ERCC3: variants seen among roughly 807,000 people sequenced by gnomAD.
ERCC3 encodes the protein ERCC excision repair 3, TFIIH core complex helicase subunit.
ERCC3 carries 66 observed loss-of-function variants against 94.2 expected under a neutral mutation model. That is an observed-to-expected ratio of 0.70 (90% CI 0.57 to 0.86). The LOEUF (loss-of-function observed/expected upper bound fraction) is 0.86. Ranked by LOEUF, ERCC3 falls within the 40% of genes least tolerant of loss-of-function variation. The pLI, the probability that ERCC3 is intolerant of heterozygous loss-of-function variation, is 0.00. For synonymous variants in ERCC3, 349 were observed against 369.1 expected, an observed-to-expected ratio of 0.95 and a Z score of 0.63; for missense variants, 829 against 987.1, an observed-to-expected ratio of 0.84 and a Z score of 2.15.
At chr2:127,290,341 C>T in intron 3 of ERCC3, 68 bp from the exon 4 acceptor site, 1 of 1,222,496 alleles carries the variant, frequency 8.2e-7, no homozygotes, top group Non-Finnish European at 1.2e-6. Context: ...TTACTGGTCA[C>T]ATCTTACACC....
intron 12 of ERCC3, chr2:127,262,728 T>C (rs1319949675): frequency 1.3e-5 from 2 of 152,214 alleles, no homozygotes; most frequent in African/African-American, 2.4e-5. Flanking sequence ...ATTGTGTTGA[T>C]AGTTGCACAA....
At chr2:127,268,566 ATTTCT>A (rs1172448622) in intron 12 of ERCC3, among the ~76,000 whole-genome samples, 3 of 152,042 alleles carry the variant, frequency 2.0e-5, no homozygotes, top group Non-Finnish European at 2.9e-5. Context: ...CCCAGCCAGG[ATTTCT>A]TTTCTTTTCT....
At chr2:127,281,825 GA>G (rs1322820758) in intron 8 of ERCC3, among the ~76,000 whole-genome samples, 2 of 151,996 alleles carry the variant, frequency 1.3e-5, no homozygotes, top group Admixed American at 6.6e-5. Flanking sequence ...TATGTCTAAG[GA>G]AAGACTGTGC....
chr2:127,293,821 G>C (rs767415094), intron 1 of ERCC3, 103 bp from the exon 2 acceptor site: 1 of 1,595,494 alleles, frequency 6.3e-7, no homozygotes, highest in Non-Finnish European at 8.5e-7. Flanking sequence ...TCCTAGCTAA[G>C]AGCCACCTGC....
intron 12 of ERCC3, chr2:127,262,405 A>G (rs958334652): frequency 1.3e-5 from 2 of 152,292 alleles, no homozygotes; most frequent in African/African-American, 4.8e-5. Flanking sequence ...AGGCAGGAGA[A>G]TCCCTTGAAC....
Position 127,264,868 on chromosome 2 carries a change from G to A in ERCC3, c.1946-3522C>T, listed in dbSNP as rs1176141907. Among the ~76,000 whole-genome samples the A allele has an allele frequency of 2.0e-5, 3 of 147,864 alleles. No individual in the cohort carries two copies. The highest frequency in any genetic ancestry group is 7.6e-5 in the African/African-American group (3 of 39,722). ...GTAGATTTTTTTTTTTTTTTTTGGA[G>A]GCGGAGTCTCACTCTGTCACCCAGG... On this transcript the variant is annotated intron_variant, in intron 12 of 14. Coordinates refer to ENST00000285398, the MANE Select transcript of ERCC3 (RefSeq NM_000122.2). This position sits in a 1 kb window ranked among gnomAD's most constrained non-coding sequence, Gnocchi z 4.4.
rs1233728753 is a variant in ERCC3, at chr2:127,271,056, C to T, written c.1945+280G>A. 6.6e-6 allele frequency among the ~76,000 whole-genome samples: 1 copy of T among 152,216 alleles called. No homozygotes were observed. The highest frequency in any genetic ancestry group is 1.5e-5 in the Non-Finnish European group (1 of 68,042). On this transcript the variant is annotated intron_variant, in intron 12 of 14. Transcript: ENST00000285398. This position sits in a 1 kb window ranked among gnomAD's most constrained non-coding sequence, Gnocchi z 5.0. ...TGTCTACCCCATAAGCACTGCCTTG[C>T]CCTGGCTCCCTCTCACCATCTACCA... is the stretch of plus-strand genomic sequence containing the variant.
rs1433066543 is a variant in ERCC3 at position 127,288,583 on chromosome 2, G to A, written c.1027+77C>T. On this transcript the variant is annotated intron_variant, in intron 7 of 14. Transcript: ENST00000285398. ...AGCAAGGTGTGATTTAGGGAAATGT[G>A]CAGAGAGAAAGCGGGAGGCAGCTGG... 4.1e-6 allele frequency: 5 copies of A among 1,224,526 alleles called. No homozygotes were observed. In the African/African-American group the frequency reaches 4.5e-5, roughly 11 times the overall value. 75.9% of individuals were successfully genotyped at this position (1,224,526 alleles called of 1,614,324 possible). A position where few individuals can be genotyped will look rare whatever the true frequency, so the allele number is the denominator to read the frequency against.
chr2:127,265,708 C>T (rs1162953153), intron 12 of ERCC3, among the ~76,000 whole-genome samples: 5 of 152,114 alleles, frequency 3.3e-5, no homozygotes, highest in South Asian at 2.1e-4. Flanking sequence ...TGAGCCACTG[C>T]GACTGGCCTT....
chr2:127,288,361 G>A (rs893863825), intron 7 of ERCC3, among the ~76,000 whole-genome samples: 7 of 152,054 alleles, frequency 4.6e-5, no homozygotes, highest in Non-Finnish European at 1.0e-4. Context: ...ATTTTTCTTC[G>A]CTGACTCTAG....
intron 8 of ERCC3, among the ~76,000 whole-genome samples, chr2:127,283,824 C>A (rs556884600): frequency 5.3e-5 from 8 of 152,290 alleles, no homozygotes; most frequent in Admixed American, 5.2e-4. Context: ...GAGGTTGAAC[C>A]CTTTTTCAAG....
chr2:127,266,501 C>T (rs1459253472), intron 12 of ERCC3, among the ~76,000 whole-genome samples: 1 of 151,256 alleles, frequency 6.6e-6, no homozygotes, highest in African/African-American at 2.4e-5. Context: ...ACACACCCGG[C>T]TAATTTTTTG....
intron 2 of ERCC3, 95 bp from the exon 3 acceptor site, chr2:127,292,941 G>T: frequency 1.3e-6 from 1 of 794,148 alleles, no homozygotes; most frequent in Non-Finnish European, 2.2e-6. Context: ...AGAATAAGCT[G>T]CCCAACACCA....
intron 8 of ERCC3, among the ~76,000 whole-genome samples, chr2:127,281,191 T>C (rs769507963): frequency 6.6e-6 from 1 of 152,176 alleles, no homozygotes; most frequent in African/African-American, 2.4e-5. Context: ...GAAAAGAAAG[T>C]TGACAATCTA....
chr2:127,278,868 C>G (rs1017114562), intron 10 of ERCC3, among the ~76,000 whole-genome samples: 3 of 152,194 alleles, frequency 2.0e-5, no homozygotes, highest in African/African-American at 7.2e-5. Flanking sequence ...CTCCAAATGC[C>G]AACTCCCACC....
At position 127,273,749 on chromosome 2, in the gene ERCC3, CAAAAAAAAAAA is replaced by C. The variant is rs398039596; in HGVS notation, c.1731-799_1731-789del. Among the ~76,000 whole-genome samples the C allele has an allele frequency of 1.6e-3, 64 of 40,116 alleles. 1 individual carries two copies. The East Asian group carries it at 0.028, about 18-fold the overall frequency. 26.3% of individuals were successfully genotyped at this position (40,116 alleles called of 152,430 possible). A position where few individuals can be genotyped will look rare whatever the true frequency, so the allele number is the denominator to read the frequency against. On this transcript the variant is annotated intron_variant, in intron 10 of 14. Coordinates refer to ENST00000285398, the MANE Select transcript of ERCC3 (RefSeq NM_000122.2). ...GGGAAACAAGAGTGAAACTCTGTCTCAAAAAAAAAAAAAAAAAAAAAAAAAAATTTTCCAGC... is the reference window on the plus strand; with the variant it reads ...GGGAAACAAGAGTGAAACTCTGTCTCAAAAAAAAAAAAAAAATTTTCCAGC...
At position 127,279,239 on chromosome 2, in the gene ERCC3, T is replaced by C; in HGVS notation, c.1664A>G (p.Asn555Ser). 1 of 1,613,878 alleles carries C rather than the reference T, an allele frequency of 6.2e-7. No homozygotes were observed. The highest frequency in any genetic ancestry group is 8.5e-7 in the Non-Finnish European group (1 of 1,179,728). ...GTCAGCAAAGACAATAATCTTGTCA[T>C]TCCTCCTTTCATGAAACTTGATCAG... ...QFLIKFHERR[N>S]DKIIVFADNV... Residue 555 changes from asparagine to serine, a missense_variant, in exon 10 of 15, where the codon AAT (asparagine) becomes AGT (serine). Asn to Ser is a conservative substitution (Grantham distance 46). Transcript: ENST00000285398. The surrounding 1 kb of genome is among the most constrained non-coding windows in gnomAD (Gnocchi z 4.7).
chr2:127,267,623 G>A (rs1684415800), intron 12 of ERCC3, among the ~76,000 whole-genome samples: 1 of 152,162 alleles, frequency 6.6e-6, no homozygotes, highest in Admixed American at 6.5e-5. Flanking sequence ...ATTGAGACAT[G>A]AGGCTTTATT....
rs772525609 is a variant in ERCC3, at chr2:127,289,343, G to C, written c.816C>G (p.Val272=). ...EEETQTVSFE[V]KQEMIEELQK... is the part of the protein sequence containing the mutation. ...GGAAGGTACATTCACTAACCTGCTT[G>C]ACTTCAAAAGACACTGTCTGTGTCT... is the stretch of plus-strand genomic sequence containing the variant. Residue 272 remains valine (V), a synonymous_variant, in exon 6 of 15, where the codon GTC becomes GTG. Transcript: ENST00000285398. 21 of 1,613,738 alleles carry C rather than the reference G, an allele frequency of 1.3e-5. No homozygotes were observed. The South Asian group carries it at 2.1e-4, about 16-fold the overall frequency.
Sources: gnomAD v4.1 joint callset for allele counts (sites outside exome capture counted in the v4.1 genomes callset) on GRCh38, gnomAD v4.1.1 for gene constraint, Gnocchi (gnomAD v3.1) non-coding constraint, MANE v1.5 for transcripts, NCBI Gene and HGNC (gene_info 2026-07-23, HGNC 2026-07-21) for gene names.